Variants in UNC13C observed in about 807,000 individuals in gnomAD.
UNC13C encodes the protein unc-13 homolog C.
UNC13C carries 174 observed loss-of-function variants against 245.4 expected under a neutral mutation model. That is an observed-to-expected ratio of 0.71 (90% CI 0.63 to 0.80). The LOEUF is 0.80. UNC13C is among the 30% of genes least tolerant of loss of function. The pLI, the probability that UNC13C is intolerant of heterozygous loss-of-function variation, is 0.00. For missense variants in UNC13C, 2,829 were observed against 2,602.9 expected (o/e 1.09, Z -1.89); for synonymous variants, 992 against 895.1 (o/e 1.11, Z -1.93).
chr15:53,840,935 A>C, the UNC13C span, among the ~76,000 whole-genome samples: 2 of 152,122 alleles, frequency 1.3e-5, no homozygotes, highest in Non-Finnish European at 2.9e-5. Flanking sequence ...AAGTATTGGA[A>C]TTCCAGTGTA....
chr15:54,363,075 C>G (rs1056503501), intron 17 of UNC13C, among the ~76,000 whole-genome samples: 1 of 152,176 alleles, frequency 6.6e-6, no homozygotes, highest in Non-Finnish European at 1.5e-5. Flanking sequence ...GCAACCATAA[C>G]CAATCACAGT....
chr15:53,871,354 C>G, the UNC13C span, among the ~76,000 whole-genome samples: 12 of 152,312 alleles, frequency 7.9e-5, no homozygotes, highest in African/African-American at 2.9e-4. Flanking sequence ...TTAACTCCCC[C>G]TGACTAACTT....
At chr15:54,600,951 C>T (rs578083430) in intron 30 of UNC13C, among the ~76,000 whole-genome samples, 2 of 151,976 alleles carry the variant, frequency 1.3e-5, no homozygotes, top group African/African-American at 2.4e-5. Context: ...TCTTAGGTCA[C>T]ACATGAAATA....
chr15:54,103,173 T>A (rs1357397178), intron 2 of UNC13C, among the ~76,000 whole-genome samples: 1 of 152,168 alleles, frequency 6.6e-6, no homozygotes, highest in Non-Finnish European at 1.5e-5. Flanking sequence ...ATAACTGTGA[T>A]ACACAAACAC....
intron 2 of UNC13C, among the ~76,000 whole-genome samples, chr15:54,058,433 A>G: frequency 6.6e-6 from 1 of 152,236 alleles, no homozygotes; most frequent in Admixed American, 6.5e-5. Context: ...ATTTCTGAAT[A>G]GACCAAAAAC....
chr15:54,009,639 C>T (rs1038603655), intron 1 of UNC13C, among the ~76,000 whole-genome samples: 39 of 151,666 alleles, frequency 2.6e-4, no homozygotes, highest in South Asian at 1.7e-3. Flanking sequence ...CTCTGCCTCC[C>T]GGGTTCAAGT....
At chr15:53,939,235 T>A in the UNC13C span, among the ~76,000 whole-genome samples, 13 of 152,196 alleles carry the variant, frequency 8.5e-5, no homozygotes, top group Admixed American at 2.0e-4. Flanking sequence ...CTAGAAAATC[T>A]AGAATAAATG....
chr15:53,999,294 CATACAT>C (rs1325449965), intron 1 of UNC13C, among the ~76,000 whole-genome samples: 2 of 151,654 alleles, frequency 1.3e-5, no homozygotes, highest in African/African-American at 4.8e-5. Flanking sequence ...TCTATTCTCT[CATACAT>C]ATAAAATATA....
intron 17 of UNC13C, among the ~76,000 whole-genome samples, chr15:54,380,853 G>A (rs2039708660): frequency 6.6e-6 from 1 of 151,916 alleles, no homozygotes; most frequent in Admixed American, 6.6e-5. Context: ...ACAAATTTTG[G>A]GTAGTAACTC....
intron 1 of UNC13C, among the ~76,000 whole-genome samples, chr15:54,010,156 G>A (rs1018050165): frequency 2.6e-5 from 4 of 152,072 alleles, no homozygotes; most frequent in African/African-American, 7.2e-5. Flanking sequence ...TTATGTTTTA[G>A]TTCATGGTTT....
chr15:54,572,256 G>A (rs950683984), intron 30 of UNC13C, among the ~76,000 whole-genome samples: 1 of 151,704 alleles, frequency 6.6e-6, no homozygotes, highest in Non-Finnish European at 1.5e-5. Flanking sequence ...CCTATTACTT[G>A]GGCTTTTTCT....
At chr15:53,894,531 G>A in the UNC13C span, among the ~76,000 whole-genome samples, 15 of 152,320 alleles carry the variant, frequency 9.8e-5, no homozygotes, top group Non-Finnish European at 1.8e-4. Context: ...ATGGGCGAAA[G>A]TCTGCTGGCA....
chr15:54,626,849 A>G lies in UNC13C; in HGVS notation c.6381A>G (p.Arg2127=), dbSNP rs1520411. The G allele has an allele frequency of 0.63, 1,023,149 of 1,611,604 alleles. 329,122 individuals are homozygous for G. Among genetic ancestry groups the G allele is most frequent in the East Asian group, 0.7 (31,250 of 44,770 alleles). ...ACAGCATTCTCGGAAAGGAAAATCGACCAGGGGCTTATGAACTTCATCTCT... is the reference window on the plus strand; with the variant it reads ...ACAGCATTCTCGGAAAGGAAAATCGGCCAGGGGCTTATGAACTTCATCTCT... ...TFQFILGKEN[R]PGAYELHLSV... is the part of the protein sequence containing the mutation. Residue 2127 remains arginine (R), a synonymous_variant, in exon 33 of 33, where the codon CGA becomes CGG. Transcript: ENST00000260323.
chr15:54,607,428 C>T (rs1482216382), intron 30 of UNC13C, among the ~76,000 whole-genome samples: 2 of 152,174 alleles, frequency 1.3e-5, no homozygotes, highest in Non-Finnish European at 2.9e-5. Flanking sequence ...TTAATCCTAT[C>T]TTCTACCTGG....
chr15:54,631,112 A>G (rs1482624945), downstream of UNC13C: 2 of 152,204 alleles, frequency 1.3e-5, no homozygotes, highest in East Asian at 3.9e-4. Flanking sequence ...TGAGAGGCCG[A>G]GACAGGCAGG....
At chr15:54,094,849 A>G (rs1014625517) in intron 2 of UNC13C, among the ~76,000 whole-genome samples, 2 of 152,208 alleles carry the variant, frequency 1.3e-5, no homozygotes, top group African/African-American at 4.8e-5. Flanking sequence ...GAAACCTGTC[A>G]TCACAGGGGG....
Position 54,454,447 on chromosome 15 carries a change from G to A in UNC13C, c.4933+39380G>A, listed in dbSNP as rs567654761. Among the ~76,000 whole-genome samples, 31 of 151,848 alleles carry A rather than the reference G, an allele frequency of 2.0e-4. No individual in the cohort carries two copies. In the South Asian group the frequency reaches 4.8e-3, roughly 23 times the overall value. ...CAAAAAGTTAGCCGGGCGTGTTGGC[G>A]GGCACCTGTAATCCCAAGGTCTCAG... On this transcript the variant is annotated intron_variant, in intron 19 of 32. Coordinates refer to ENST00000260323, the MANE Select transcript of UNC13C (RefSeq NM_001080534.3).
chr15:54,118,730 G>T (rs922617968), intron 2 of UNC13C, among the ~76,000 whole-genome samples: 3 of 151,980 alleles, frequency 2.0e-5, no homozygotes, highest in African/African-American at 7.2e-5. Context: ...AGGTTTTTGA[G>T]GAAACGCTTT....
chr15:54,008,227 T>C (rs1895229181), intron 1 of UNC13C, among the ~76,000 whole-genome samples: 2 of 152,198 alleles, frequency 1.3e-5, no homozygotes, highest in African/African-American at 4.8e-5. Flanking sequence ...GTTTCCGAGT[T>C]TACACACTTT....
Sources: allele counts gnomAD v4.1 joint callset (sites outside exome capture counted in the v4.1 genomes callset), GRCh38; gene constraint gnomAD v4.1.1; transcripts MANE v1.5; gene names NCBI Gene and HGNC (gene_info 2026-07-23, HGNC 2026-07-21).